KIAA1191: variants seen among roughly 807,000 people sequenced by gnomAD.
The protein encoded by KIAA1191 is KIAA1191.
In KIAA1191, 22 loss-of-function variants were observed where a neutral mutation model predicts 31.1. That is an observed-to-expected ratio of 0.71 (90% CI 0.51 to 1.01). The LOEUF (loss-of-function observed/expected upper bound fraction) is 1.01. Among genes scored for constraint, KIAA1191 ranks in the 50% least tolerant of loss-of-function variants. The pLI is 0.00. For synonymous variants in KIAA1191, 130 were observed against 143.9 expected, an observed-to-expected ratio of 0.90 and a Z score of 0.69; for missense variants, 319 against 388.0, an observed-to-expected ratio of 0.82 and a Z score of 1.49.
chr5:176,360,026 G>A (rs1767860945), intron 1 of KIAA1191, 108 bp from the exon 2 acceptor site: 1 of 156,618 alleles, frequency 6.4e-6, no homozygotes. Flanking sequence ...CTCACAGCAA[G>A]CGGCTAGATA....
At chr5:176,352,545 T>G in intron 5 of KIAA1191, 77 bp downstream of exon 5, 1 of 1,533,040 alleles carries the variant, frequency 6.5e-7, no homozygotes, top group Non-Finnish European at 8.9e-7. Flanking sequence ...TGCAGTATCA[T>G]CTCCAATCAG....
intron 3 of KIAA1191, among the ~76,000 whole-genome samples, chr5:176,356,683 C>G (rs914281580): frequency 6.6e-6 from 1 of 152,126 alleles, no homozygotes; most frequent in African/African-American, 2.4e-5. Context: ...GACCAGGGAG[C>G]CAAGTTCATT....
At chr5:176,354,314 A>T (rs1323946678) in intron 4 of KIAA1191, 1 of 152,274 alleles carries the variant, frequency 6.6e-6, no homozygotes, top group African/African-American at 2.4e-5. Flanking sequence ...GGCCTATTTC[A>T]GTGGACCCTT....
Position 176,349,844 on chromosome 5 carries a change from A to AC in KIAA1191, c.459+768dup, listed in dbSNP as rs571160156. On this transcript the variant is annotated intron_variant, in intron 6 of 8. Transcript: ENST00000298569. Reference sequence around the variant, plus strand: ...AAGCTTGGAACAAGCCTGGATTCTGACCCCCCCTTGCCTAAAGAAGACAGC... The same window carrying AC: ...AAGCTTGGAACAAGCCTGGATTCTGACCCCCCCCTTGCCTAAAGAAGACAGC... Among the ~76,000 whole-genome samples, 51 of 150,460 alleles carry AC rather than the reference A, an allele frequency of 3.4e-4. 1 individual carries two copies. The highest frequency in any genetic ancestry group is 1.8e-3 in the East Asian group (9 of 5,124).
intron 5 of KIAA1191, among the ~76,000 whole-genome samples, chr5:176,352,153 T>TC (rs1767072331): frequency 7.0e-6 from 1 of 142,416 alleles, no homozygotes; most frequent in African/African-American, 2.8e-5. Context: ...TTTGAGCTGT[T>TC]TAAAAAAAAA....
rs1766548459 is a variant in KIAA1191 at position 176,346,867 on chromosome 5, C to T, written c.*733G>A. On this transcript the variant is annotated 3_prime_UTR_variant, in exon 9 of 9. Coordinates refer to ENST00000298569, the MANE Select transcript of KIAA1191 (RefSeq NM_020444.5). ...GCTGGAGCACAGCACCAGTCATCAA[C>T]AGGGCCAAAGTCGTCTTAGCGAGTC... 6.6e-6 allele frequency: 1 copy of T among 152,224 alleles called. No homozygotes were observed. The highest frequency in any genetic ancestry group is 1.5e-5 in the Non-Finnish European group (1 of 68,054). The allele number at this position is 152,224 out of a possible 1,614,324, so 9.4% of individuals were successfully genotyped here.
chr5:176,355,486 G>C lies in KIAA1191; in HGVS notation c.207+85C>G. Reference sequence around the variant, plus strand: ...GGAGTGGTTGCTGCCCAGTCCCATGGGCACAGGGAGCCACTGAAGGCTTCT... The same window carrying C: ...GGAGTGGTTGCTGCCCAGTCCCATGCGCACAGGGAGCCACTGAAGGCTTCT... On this transcript the variant is annotated intron_variant, in intron 4 of 8. Coordinates refer to ENST00000298569, the MANE Select transcript of KIAA1191 (RefSeq NM_020444.5). This position sits in a 1 kb window ranked among gnomAD's most constrained non-coding sequence, Gnocchi z 4.2. The C allele has an allele frequency of 7.6e-7, 1 of 1,318,448 alleles. No individual in the cohort carries two copies. Among genetic ancestry groups the C allele is most frequent in the Non-Finnish European group, 1.1e-6 (1 of 940,916 alleles). The allele number at this position is 1,318,448 out of a possible 1,614,324, so 81.7% of individuals were successfully genotyped here.
rs1390711373 is a variant in KIAA1191, at chr5:176,347,207, ATT to A, written c.*391_*392del. 1 of 152,836 alleles carries A rather than the reference ATT, an allele frequency of 6.5e-6. No homozygotes were observed. The highest frequency in any genetic ancestry group is 2.4e-5 in the African/African-American group (1 of 41,358). 9.5% of individuals were successfully genotyped at this position (152,836 alleles called of 1,614,324 possible). On this transcript the variant is annotated 3_prime_UTR_variant, in exon 9 of 9. Transcript: ENST00000298569. ...TTTAATAGGTTTTTTACTTTACTTT[ATT>A]TATTTATTTATTGATGGCGTCTCGT...
At chr5:176,349,445 C>G (rs1023099837) in intron 6 of KIAA1191, among the ~76,000 whole-genome samples, 1 of 152,144 alleles carries the variant, frequency 6.6e-6, no homozygotes, top group African/African-American at 2.4e-5. Flanking sequence ...TTTGGGAGGC[C>G]AAGGCAGGTG....
intron 4 of KIAA1191, chr5:176,354,164 C>T (rs1441655664): frequency 6.6e-6 from 1 of 152,228 alleles, no homozygotes; most frequent in Non-Finnish European, 1.5e-5. Context: ...ATGTGCCAAC[C>T]CTTTACATCC....
intron 2 of KIAA1191, 75 bp from the exon 3 acceptor site, chr5:176,359,642 G>T (rs1231946759): frequency 1.4e-6 from 1 of 735,992 alleles, no homozygotes; most frequent in Non-Finnish European, 2.5e-6. Context: ...ACACAGAATT[G>T]AACGGCTTGT....
intron 5 of KIAA1191, among the ~76,000 whole-genome samples, chr5:176,351,930 G>A (rs933225982): frequency 1.1e-4 from 17 of 151,992 alleles, no homozygotes; most frequent in African/African-American, 3.9e-4. Flanking sequence ...CCTTACCCTG[G>A]TAGGGGCACA....
chr5:176,349,597 C>T (rs1051082858), intron 6 of KIAA1191, among the ~76,000 whole-genome samples: 1 of 152,164 alleles, frequency 6.6e-6, no homozygotes, highest in Admixed American at 6.5e-5. Context: ...CACTTGAACC[C>T]GGGAGGCAGA....
intron 5 of KIAA1191, 92 bp downstream of exon 5, chr5:176,352,530 C>T (rs921456955): frequency 1.3e-5 from 19 of 1,413,812 alleles, no homozygotes; most frequent in African/African-American, 7.1e-5. Flanking sequence ...GTAAGGCGAG[C>T]GTGTTGCAGT....
chr5:176,346,332 C>T lies in KIAA1191; in HGVS notation c.*1268G>A, dbSNP rs1016118178. 3 of 152,208 alleles carry T rather than the reference C, an allele frequency of 2.0e-5. No individual in the cohort carries two copies. The highest frequency in any genetic ancestry group is 2.0e-4 in the Admixed American group (3 of 15,284). 9.4% of individuals were successfully genotyped at this position (152,208 alleles called of 1,614,324 possible). The stretch of plus-strand genomic sequence containing the variant: ...TTATGTGTTGCATAAAGGGATGAGG[C>T]TCATTTTGGTGAAAAATGCTTTCAT... On this transcript the variant is annotated 3_prime_UTR_variant, in exon 9 of 9. Transcript: ENST00000298569.
chr5:176,350,525 T>G (rs1276334288), intron 6 of KIAA1191, 88 bp downstream of exon 6: 8 of 1,517,934 alleles, frequency 5.3e-6, no homozygotes, highest in Non-Finnish European at 5.4e-6. Context: ...AGCCCCCAAC[T>G]AACTGAGCTG....
chr5:176,359,087 A>C (rs1293628543), intron 3 of KIAA1191, among the ~76,000 whole-genome samples: 3 of 148,810 alleles, frequency 2.0e-5, no homozygotes, highest in Non-Finnish European at 4.5e-5. Flanking sequence ...CTGTCTCAAA[A>C]AAAAAAAAAA....
chr5:176,355,820 G>A lies in KIAA1191; in HGVS notation c.29-71C>T. ...ACTAGCAGCTTTAAATTAATCTACA[G>A]GAAGGAAAGCTCTGAAATACTCTTG... On this transcript the variant is annotated intron_variant, in intron 3 of 8. Coordinates refer to ENST00000298569, the MANE Select transcript of KIAA1191 (RefSeq NM_020444.5). This position sits in a 1 kb window ranked among gnomAD's most constrained non-coding sequence, Gnocchi z 4.2. 6.9e-7 allele frequency: 1 copy of A among 1,447,734 alleles called. No homozygotes were observed. Among genetic ancestry groups the A allele is most frequent in the Non-Finnish European group, 9.7e-7 (1 of 1,031,930 alleles). 89.7% of individuals were successfully genotyped at this position (1,447,734 alleles called of 1,614,324 possible).
chr5:176,356,036 C>T (rs1464223621), intron 3 of KIAA1191: 6 of 347,872 alleles, frequency 1.7e-5, no homozygotes, highest in African/African-American at 8.7e-5. Context: ...TGCAGCGGCA[C>T]GATCACGGCT....
Sources: gnomAD v4.1 joint callset for allele counts (sites outside exome capture counted in the v4.1 genomes callset) on GRCh38, gnomAD v4.1.1 for gene constraint, Gnocchi (gnomAD v3.1) non-coding constraint, MANE v1.5 for transcripts, NCBI Gene and HGNC (gene_info 2026-07-23, HGNC 2026-07-21) for gene names.